TBC1D19: variants seen among roughly 807,000 people sequenced by gnomAD.
TBC1D19 encodes the protein TBC1 domain family member 19, also known as TBC1 domain family, member 19.
In TBC1D19, 60 loss-of-function variants were observed where a neutral mutation model predicts 89.0. The ratio of observed to expected loss-of-function variants is 0.67; its 90% CI spans 0.55 to 0.84. The LOEUF (loss-of-function observed/expected upper bound fraction) is 0.84. Among genes scored for constraint, TBC1D19 ranks in the 40% least tolerant of loss-of-function variants. TBC1D19 has a pLI of 0.00. For missense variants in TBC1D19, 500 were observed against 610.8 expected (o/e 0.82, Z 1.91); for synonymous variants, 189 against 199.7 (o/e 0.95, Z 0.45).
At chr4:26,691,125 A>G (rs1041406154) in intron 13 of TBC1D19, among the ~76,000 whole-genome samples, 5 of 152,222 alleles carry the variant, frequency 3.3e-5, no homozygotes, top group Non-Finnish European at 5.9e-5. Context: ...TGTGGTGGGA[A>G]AAGCAAGATA....
chr4:26,593,957 A>C (rs536436692), intron 1 of TBC1D19, among the ~76,000 whole-genome samples: 1 of 152,208 alleles, frequency 6.6e-6, no homozygotes, highest in Non-Finnish European at 1.5e-5. Flanking sequence ...CTAGAACTAG[A>C]AATACCATTT....
At chr4:26,622,059 A>C (rs1742085158) in intron 4 of TBC1D19, among the ~76,000 whole-genome samples, 2 of 152,092 alleles carry the variant, frequency 1.3e-5, no homozygotes, top group East Asian at 3.9e-4. Flanking sequence ...ACAGATGGAC[A>C]CAGGAAGGGG....
intron 13 of TBC1D19, among the ~76,000 whole-genome samples, chr4:26,702,610 T>G (rs1715421176): frequency 6.6e-6 from 1 of 152,220 alleles, no homozygotes; most frequent in South Asian, 2.1e-4. Context: ...AATTGTATTG[T>G]TTTTAGATTT....
At chr4:26,723,976 C>T (rs1717140309) in intron 15 of TBC1D19, among the ~76,000 whole-genome samples, 1 of 152,126 alleles carries the variant, frequency 6.6e-6, no homozygotes, top group African/African-American at 2.4e-5. Context: ...TGGGCATAGC[C>T]ATTTTAGATC....
At chr4:26,613,887 T>C (rs1408805505) in intron 2 of TBC1D19, among the ~76,000 whole-genome samples, 1 of 152,174 alleles carries the variant, frequency 6.6e-6, no homozygotes, top group Admixed American at 6.5e-5. Flanking sequence ...AACATCTGTA[T>C]ATGGGAACTG....
chr4:26,723,588 C>T (rs771596928), intron 15 of TBC1D19, among the ~76,000 whole-genome samples: 2 of 152,208 alleles, frequency 1.3e-5, no homozygotes, highest in African/African-American at 4.8e-5. Flanking sequence ...TGTTCTCTCA[C>T]TTCATTTGAA....
chr4:26,811,380 A>G, the TBC1D19 span, among the ~76,000 whole-genome samples: 1 of 152,208 alleles, frequency 6.6e-6, no homozygotes, highest in Non-Finnish European at 1.5e-5. Context: ...TGTGGGTGCC[A>G]GAGTGGAGAG....
chr4:26,740,607 G>T (rs1342442747), intron 17 of TBC1D19: 1 of 967,014 alleles, frequency 1.0e-6, no homozygotes, highest in South Asian at 4.8e-5. Flanking sequence ...TTCTCTTTTG[G>T]CTGTTCCTTT....
chr4:26,742,438 A>G, intron 17 of TBC1D19, 70 bp from the exon 18 acceptor site: 3 of 1,285,948 alleles, frequency 2.3e-6, no homozygotes, highest in Non-Finnish European at 2.1e-6. Context: ...CCATTTGAAT[A>G]ATTTGTTGGC....
the TBC1D19 span, among the ~76,000 whole-genome samples, chr4:26,825,302 T>G: frequency 6.6e-6 from 1 of 152,102 alleles, no homozygotes; most frequent in Admixed American, 6.5e-5. Context: ...TTTCACCAAG[T>G]TGGCCAGGAT....
chr4:26,816,487 T>G, the TBC1D19 span, among the ~76,000 whole-genome samples: 14 of 152,050 alleles, frequency 9.2e-5, no homozygotes, highest in Non-Finnish European at 1.9e-4. Context: ...CCCCACAACA[T>G]GCATATAAAT....
intron 13 of TBC1D19, among the ~76,000 whole-genome samples, chr4:26,691,952 A>G (rs992066417): frequency 2.0e-5 from 3 of 152,164 alleles, no homozygotes; most frequent in Non-Finnish European, 2.9e-5. Flanking sequence ...AGTGAAAACT[A>G]TTTTTTTAAA....
chr4:26,587,576 CAAA>C (rs34107105), intron 1 of TBC1D19, among the ~76,000 whole-genome samples: 23 of 118,988 alleles, frequency 1.9e-4, no homozygotes, highest in Non-Finnish European at 3.0e-4. Flanking sequence ...GACCTTGTCT[CAAA>C]AAAAAAAAAA....
chr4:26,577,302 C>T (rs1051852003), intron 1 of TBC1D19, among the ~76,000 whole-genome samples: 27 of 149,094 alleles, frequency 1.8e-4, no homozygotes, highest in South Asian at 1.7e-3. Context: ...TGTGTGTGTG[C>T]GTGTGTGTGT....
At position 26,753,896 on chromosome 4, in the gene TBC1D19, G is replaced by A. The variant is rs1297921845; in HGVS notation, c.1506+6G>A. On this transcript the variant is annotated splice_donor_region_variant and intron_variant, in intron 20 of 20. Coordinates refer to ENST00000264866, the MANE Select transcript of TBC1D19 (RefSeq NM_018317.4). ...CATCACTGGCTGCAGCTGAAGTAAG[G>A]ATAAGTTTCACTCAGATGGGATGGA... 1.2e-6 allele frequency: 2 copies of A among 1,613,726 alleles called. No homozygotes were observed. The highest frequency in any genetic ancestry group is 2.2e-5 in the East Asian group (1 of 44,888).
chr4:26,778,368 A>T, the TBC1D19 span, among the ~76,000 whole-genome samples: 3 of 150,682 alleles, frequency 2.0e-5, no homozygotes, highest in African/African-American at 7.3e-5. Flanking sequence ...GTGAGCCAAG[A>T]TCGTGCCACT....
chr4:26,849,085 A>G, the TBC1D19 span, among the ~76,000 whole-genome samples: 1 of 152,060 alleles, frequency 6.6e-6, no homozygotes, highest in African/African-American at 2.4e-5. Context: ...AGGAGGTGGG[A>G]GGATTACTTG....
intron 7 of TBC1D19, among the ~76,000 whole-genome samples, chr4:26,653,349 C>G (rs966884069): frequency 1.8e-4 from 28 of 152,076 alleles, no homozygotes; most frequent in Non-Finnish European, 2.8e-4. Flanking sequence ...ATTCTGTTGA[C>G]TTGGGGTGGA....
the TBC1D19 span, among the ~76,000 whole-genome samples, chr4:26,767,693 T>TA: frequency 6.6e-6 from 1 of 152,122 alleles, no homozygotes; most frequent in African/African-American, 2.4e-5. Flanking sequence ...CTGTGAAAAA[T>TA]AAATTTCTGT....
Sources: allele counts gnomAD v4.1 joint callset (sites outside exome capture counted in the v4.1 genomes callset), GRCh38; gene constraint gnomAD v4.1.1; transcripts MANE v1.5; gene names NCBI Gene and HGNC (gene_info 2026-07-23, HGNC 2026-07-21).